The following UNC5C variants were observed in gnomAD, a reference collection of about 807,000 sequenced individuals.
UNC5C encodes the protein netrin receptor UNC5C.
Under a neutral mutation model 99.8 loss-of-function variants are expected in UNC5C, and 47 were observed. The observed-to-expected ratio is 0.47, with a 90% CI of 0.37 to 0.60. The LOEUF is 0.60. Among genes scored for constraint, UNC5C ranks in the 20% least tolerant of loss-of-function variants. The pLI, the probability that UNC5C is intolerant of heterozygous loss-of-function variation, is 0.00. For synonymous variants in UNC5C, 487 were observed against 452.2 expected (o/e 1.08, Z -0.98); for missense variants, 1,062 against 1,165.9 (o/e 0.91, Z 1.30).
intron 14 of UNC5C, 38 bp from the exon 15 acceptor site, chr4:95,170,370 T>A: frequency 6.2e-7 from 1 of 1,603,484 alleles, no homozygotes; most frequent in Non-Finnish European, 8.5e-7. Context: ...GCATTATTTC[T>A]GAGGACAAAA....
intron 4 of UNC5C, among the ~76,000 whole-genome samples, chr4:95,273,357 A>G (rs952299263): frequency 6.6e-6 from 1 of 152,230 alleles, no homozygotes; most frequent in African/African-American, 2.4e-5. Flanking sequence ...TCTTGTATCC[A>G]TTGATGTTTT....
chr4:95,227,203 G>A (rs937221872), intron 7 of UNC5C, among the ~76,000 whole-genome samples: 1 of 151,460 alleles, frequency 6.6e-6, no homozygotes, highest in Non-Finnish European at 1.5e-5. Context: ...TGGCTGGAGT[G>A]CAGTGGTGTG....
At chr4:95,342,159 C>G (rs1743602704) in intron 1 of UNC5C, among the ~76,000 whole-genome samples, 1 of 152,130 alleles carries the variant, frequency 6.6e-6, no homozygotes, top group African/African-American at 2.4e-5. Flanking sequence ...AACATGCTAC[C>G]TAGTGAGATA....
intron 5 of UNC5C, 96 bp downstream of exon 5, chr4:95,250,391 T>C (rs1354410116): frequency 7.6e-7 from 1 of 1,313,174 alleles, no homozygotes; most frequent in Non-Finnish European, 1.1e-6. Flanking sequence ...TCTCAAATAA[T>C]ATGAAATTTT....
At chr4:95,338,445 G>C (rs1743430264) in intron 1 of UNC5C, among the ~76,000 whole-genome samples, 1 of 152,024 alleles carries the variant, frequency 6.6e-6, no homozygotes, top group Non-Finnish European at 1.5e-5. Context: ...ATAGCTACAT[G>C]TATTTAAAGA....
chr4:95,513,563 TAATA>T (rs1284875096), intron 1 of UNC5C, among the ~76,000 whole-genome samples: 1 of 152,178 alleles, frequency 6.6e-6, no homozygotes, highest in Non-Finnish European at 1.5e-5. Flanking sequence ...AATTCAAGCT[TAATA>T]TATATTATCA....
chr4:95,251,273 T>C (rs554682554), intron 4 of UNC5C, among the ~76,000 whole-genome samples: 1 of 152,296 alleles, frequency 6.6e-6, no homozygotes, highest in African/African-American at 2.4e-5. Context: ...GTTGGAGATG[T>C]ATCTAAGCCA....
intron 5 of UNC5C, chr4:95,248,248 G>A: frequency 3.8e-6 from 1 of 263,016 alleles, no homozygotes; most frequent in South Asian, 3.7e-5. Context: ...TTAAATTGGT[G>A]TAACACAAAT....
At chr4:95,529,292 ATGTATATATATTTATATGTATATATG>A (rs1287316124) in intron 1 of UNC5C, among the ~76,000 whole-genome samples, 5 of 147,950 alleles carry the variant, frequency 3.4e-5, no homozygotes, top group East Asian at 1.9e-4. Flanking sequence ...ATATGTATAT[ATGTATATATATTTATATGTATATATG>A]TGTATATATA....
chr4:95,254,656 C>G (rs536877113), intron 4 of UNC5C, among the ~76,000 whole-genome samples: 8 of 152,150 alleles, frequency 5.3e-5, no homozygotes, highest in Admixed American at 1.3e-4. Context: ...CTAGTAAGAA[C>G]TTCAGGGGGT....
At chr4:95,286,870 A>AT (rs1169302628) in intron 3 of UNC5C, among the ~76,000 whole-genome samples, 7 of 151,830 alleles carry the variant, frequency 4.6e-5, no homozygotes, top group South Asian at 2.1e-4. Context: ...GTTTTATGAG[A>AT]TTTTTTTTTC....
intron 10 of UNC5C, among the ~76,000 whole-genome samples, chr4:95,214,084 A>C (rs1430365089): frequency 1.3e-5 from 2 of 152,212 alleles, no homozygotes. Flanking sequence ...GTGAGAAGTA[A>C]ATGAAATTAA....
chr4:95,499,299 G>A (rs554991046), intron 1 of UNC5C, among the ~76,000 whole-genome samples: 10 of 152,148 alleles, frequency 6.6e-5, no homozygotes, highest in East Asian at 1.9e-4. Flanking sequence ...TGTTTTGAAG[G>A]CCAATAAACC....
At chr4:95,547,878 C>T (rs958592492) in intron 1 of UNC5C, among the ~76,000 whole-genome samples, 3 of 152,200 alleles carry the variant, frequency 2.0e-5, no homozygotes, top group African/African-American at 4.8e-5. Context: ...CCCCAACTCC[C>T]GGCCACACTC....
In UNC5C at chr4:95,165,733, G is replaced by A. The variant is rs772243766; in HGVS notation, c.*3501C>T. 111 of 152,214 alleles carry A rather than the reference G, an allele frequency of 7.3e-4. No individual in the cohort carries two copies. The highest frequency in any genetic ancestry group is 1.2e-3 in the Non-Finnish European group (80 of 68,018). The allele number at this position is 152,214 out of a possible 1,614,324, so 9.4% of individuals were successfully genotyped here. On this transcript the variant is annotated 3_prime_UTR_variant, in exon 16 of 16. Coordinates refer to ENST00000453304, the MANE Select transcript of UNC5C (RefSeq NM_003728.4). ...ATATATAAGACTTATTTCTTTCTAAGCAGATACTTCTTACATTTCCAAAGA... is the reference window on the plus strand; with the variant it reads ...ATATATAAGACTTATTTCTTTCTAAACAGATACTTCTTACATTTCCAAAGA...
intron 1 of UNC5C, among the ~76,000 whole-genome samples, chr4:95,343,978 A>C (rs886790046): frequency 6.6e-6 from 1 of 152,126 alleles, no homozygotes; most frequent in East Asian, 1.9e-4. Flanking sequence ...TCTAAGAGTT[A>C]TTGGCCTTAA....
Position 95,242,484 on chromosome 4 carries a change from G to A in UNC5C, c.1053C>T (p.Asp351=), listed in dbSNP as rs1266373249. ...TGGATTGCAAGACGAGGCCGTCGCA[G>A]TCCTTGCCTCCATTCTTGGGGGCTG... ...TAPAPKNGGK[D]CDGLVLQSKN... The change falls in exon 7 of 16, where the codon GAC becomes GAT. Residue 351 remains aspartate (D), a synonymous_variant. Coordinates refer to ENST00000453304, the MANE Select transcript of UNC5C (RefSeq NM_003728.4). The A allele has an allele frequency of 6.2e-7, 1 of 1,614,056 alleles. No homozygotes were observed. The highest frequency in any genetic ancestry group is 2.2e-5 in the East Asian group (1 of 44,848).
intron 14 of UNC5C, among the ~76,000 whole-genome samples, chr4:95,173,326 A>G (rs924309142): frequency 5.9e-5 from 8 of 136,042 alleles, no homozygotes; most frequent in Admixed American, 1.6e-4. Flanking sequence ...GCCAGTTTTC[A>G]AAGGGAATGC....
chr4:95,463,304 A>G (rs1747663805), intron 1 of UNC5C, among the ~76,000 whole-genome samples: 1 of 152,184 alleles, frequency 6.6e-6, no homozygotes, highest in African/African-American at 2.4e-5. Context: ...CTCTGCCGCT[A>G]AGAGGAAGGG....
Sources: gnomAD v4.1 joint callset for allele counts (sites outside exome capture counted in the v4.1 genomes callset) on GRCh38, gnomAD v4.1.1 for gene constraint, MANE v1.5 for transcripts, NCBI Gene and HGNC (gene_info 2026-07-23, HGNC 2026-07-21) for gene names.